Variants in PPP2R3A observed in about 807,000 individuals in gnomAD.
The protein encoded by PPP2R3A is protein phosphatase 2 regulatory subunit B''alpha.
Under a neutral mutation model 106.9 loss-of-function variants are expected in PPP2R3A, and 80 were observed. That is an observed-to-expected ratio of 0.75 (90% CI 0.62 to 0.90). The LOEUF is 0.90. Ranked by LOEUF, PPP2R3A falls within the 40% of genes least tolerant of loss-of-function variation. The pLI is 0.00. For synonymous variants in PPP2R3A, 483 were observed against 468.3 expected (o/e 1.03, Z -0.41); for missense variants, 1,386 against 1,350.4 (o/e 1.03, Z -0.41).
intron 2 of PPP2R3A, chr3:136,022,962 A>G: frequency 6.5e-7 from 1 of 1,544,570 alleles, no homozygotes; most frequent in Non-Finnish European, 8.7e-7. Context: ...TCTTTGGGAG[A>G]TAAGAAGAAA....
intron 2 of PPP2R3A, among the ~76,000 whole-genome samples, chr3:136,013,186 GTATGTATGTA>G (rs1559868798): frequency 3.1e-4 from 44 of 143,218 alleles, no homozygotes; most frequent in South Asian, 2.3e-3. Flanking sequence ...GTGTGTGTAT[GTATGTATGTA>G]TGTATGTATG....
At position 136,133,106 on chromosome 3, in the gene PPP2R3A, G is replaced by T. The variant is rs146262221; in HGVS notation, c.3330-11937G>T. 7.3e-3 allele frequency among the ~76,000 whole-genome samples: 1,112 copies of T among 152,152 alleles called. 18 individuals are homozygous for T. The highest frequency in any genetic ancestry group is 0.025 in the African/African-American group (1,024 of 41,544). ...ACAAAGCTTCTGGAATAAAACAAAG[G>T]AAAATCTTTGTGACCTTGGGTTGGG... On this transcript the variant is annotated intron_variant, in intron 13 of 13. Transcript: ENST00000264977.
rs66592538 is a variant in PPP2R3A at position 135,977,688 on chromosome 3, C to CTTTTTTTT, written c.-441+11860_-441+11867dup. The stretch of plus-strand genomic sequence containing the variant: ...AAGTTGCATTCATCTGATCAGCATT[C>CTTTTTTTT]TTTTTTTTTTTTTTTTTTTTTTTTT... On this transcript the variant is annotated intron_variant, in intron 1 of 13. Transcript: ENST00000264977. Among the ~76,000 whole-genome samples the CTTTTTTTT allele has an allele frequency of 5.9e-4, 36 of 61,124 alleles. 3 individuals carry two copies. The highest frequency in any genetic ancestry group is 2.0e-3 in the African/African-American group (29 of 14,296). The allele number at this position is 61,124 out of a possible 152,430, so 40.1% of individuals were successfully genotyped here.
At position 136,049,361 on chromosome 3, in the gene PPP2R3A, G is replaced by A; in HGVS notation, c.2469G>A (p.Gln823=). ...AGGAGGATTTCATCCCTCTACTTCAGGTAATTTTCATCTCCTTTTGAAAAT... is the reference window on the plus strand; with the variant it reads ...AGGAGGATTTCATCCCTCTACTTCAAGTAATTTTCATCTCCTTTTGAAAAT... ...LEQEDFIPLL[Q]DVVDTHPGLT... The change falls in exon 5 of 14, where the codon CAG becomes CAA. Residue 823 remains glutamine, a splice_region_variant and synonymous_variant. Coordinates refer to ENST00000264977, the MANE Select transcript of PPP2R3A (RefSeq NM_002718.5). 4 of 1,594,582 alleles carry A rather than the reference G, an allele frequency of 2.5e-6. No individual in the cohort carries two copies. The highest frequency in any genetic ancestry group is 3.4e-6 in the Non-Finnish European group (4 of 1,171,470).
chr3:135,972,149 C>T (rs972795012), intron 1 of PPP2R3A, among the ~76,000 whole-genome samples: 14 of 152,302 alleles, frequency 9.2e-5, no homozygotes, highest in South Asian at 6.2e-4. Flanking sequence ...CCCCTACCGT[C>T]TGGCACCCGC....
rs933585930 is a variant in PPP2R3A, at chr3:136,066,460, T to G, written c.2470-4018T>G. Among the ~76,000 whole-genome samples, 4 of 152,168 alleles carry G rather than the reference T, an allele frequency of 2.6e-5. No individual in the cohort carries two copies. The South Asian group carries it at 8.3e-4, about 32-fold the overall frequency. On this transcript the variant is annotated intron_variant, in intron 5 of 13. Coordinates refer to ENST00000264977, the MANE Select transcript of PPP2R3A (RefSeq NM_002718.5). ...GCAAGATTGTTTTAATATTAGGATATTTATTGTGTTAAGCTGTTCTTGCAT... is the reference window on the plus strand; with the variant it reads ...GCAAGATTGTTTTAATATTAGGATAGTTATTGTGTTAAGCTGTTCTTGCAT...
intron 4 of PPP2R3A, among the ~76,000 whole-genome samples, chr3:136,045,632 A>G (rs966834747): frequency 2.6e-5 from 4 of 152,306 alleles, no homozygotes; most frequent in East Asian, 1.9e-4. Flanking sequence ...TCTCACTGCT[A>G]TCTGCTGGCC....
intron 4 of PPP2R3A, among the ~76,000 whole-genome samples, chr3:136,043,445 C>T (rs1401373123): frequency 2.0e-5 from 3 of 151,988 alleles, no homozygotes; most frequent in African/African-American, 4.8e-5. Context: ...GGTGACAGAA[C>T]GAGACTCCAT....
chr3:136,051,816 A>G (rs1247000510), intron 5 of PPP2R3A, among the ~76,000 whole-genome samples: 3 of 152,174 alleles, frequency 2.0e-5, no homozygotes, highest in Admixed American at 2.0e-4. Context: ...GCCACCCAAC[A>G]ATAACCACTA....
chr3:136,068,888 T>A (rs1936343862), intron 5 of PPP2R3A, among the ~76,000 whole-genome samples: 1 of 152,184 alleles, frequency 6.6e-6, no homozygotes, highest in Non-Finnish European at 1.5e-5. Context: ...AGTGATGCAC[T>A]GAAAAGGACT....
At chr3:136,029,278 G>C (rs1204983609) in intron 3 of PPP2R3A, among the ~76,000 whole-genome samples, 8 of 152,188 alleles carry the variant, frequency 5.3e-5, no homozygotes, top group Non-Finnish European at 8.8e-5. Context: ...TGTCTGGAGA[G>C]CCCTTCTTCC....
intron 5 of PPP2R3A, among the ~76,000 whole-genome samples, chr3:136,065,229 A>C (rs1202765583): frequency 6.6e-6 from 1 of 152,216 alleles, no homozygotes; most frequent in Admixed American, 6.5e-5. Flanking sequence ...CCTAGCAAAG[A>C]ATCAATATTT....
chr3:136,073,113 G>A (rs1217908073), intron 6 of PPP2R3A, among the ~76,000 whole-genome samples: 4 of 151,950 alleles, frequency 2.6e-5, no homozygotes, highest in Non-Finnish European at 4.4e-5. Flanking sequence ...GACTACAGGC[G>A]CCCACCACCA....
intron 13 of PPP2R3A, among the ~76,000 whole-genome samples, chr3:136,117,892 C>G (rs557989403): frequency 6.6e-6 from 1 of 152,278 alleles, no homozygotes; most frequent in East Asian, 1.9e-4. Context: ...CAGCATCATC[C>G]TGATACCAAA....
rs533789852 is a variant in PPP2R3A, at chr3:136,081,772, G to A, written c.2632-493G>A. ...AGGGCCCTGCATCTCTACCTGCCAT[G>A]CCTATGCCAGGCCACCATGTATCAT... is the stretch of plus-strand genomic sequence containing the variant. On this transcript the variant is annotated intron_variant, in intron 7 of 13. Coordinates refer to ENST00000264977, the MANE Select transcript of PPP2R3A (RefSeq NM_002718.5). 3.3e-5 allele frequency among the ~76,000 whole-genome samples: 5 copies of A among 152,238 alleles called. No homozygotes were observed. The South Asian group carries it at 1.0e-3, about 32-fold the overall frequency.
intron 13 of PPP2R3A, chr3:136,106,954 A>C (rs71310216): frequency 6.9e-6 from 1 of 145,546 alleles, no homozygotes; most frequent in Non-Finnish European, 1.5e-5. Flanking sequence ...AAAAAAAAAA[A>C]CTAAAGCTCC....
chr3:135,983,192 A>G (rs1037106417), intron 1 of PPP2R3A, among the ~76,000 whole-genome samples: 4 of 152,206 alleles, frequency 2.6e-5, no homozygotes, highest in African/African-American at 9.6e-5. Flanking sequence ...TTTTCTTCTT[A>G]CAGATATTTC....
intron 5 of PPP2R3A, among the ~76,000 whole-genome samples, chr3:136,058,706 C>T (rs1576469681): frequency 6.6e-6 from 1 of 152,260 alleles, no homozygotes; most frequent in East Asian, 1.9e-4. Flanking sequence ...CAAGGCAATC[C>T]TAAGCAAAAA....
intron 1 of PPP2R3A, among the ~76,000 whole-genome samples, chr3:135,977,092 T>G (rs1024903941): frequency 6.6e-6 from 1 of 152,080 alleles, no homozygotes; most frequent in Non-Finnish European, 1.5e-5. Flanking sequence ...AAAAATGAAA[T>G]ATATTTAAAA....
Sources: gnomAD v4.1 joint callset for allele counts (sites outside exome capture counted in the v4.1 genomes callset) on GRCh38, gnomAD v4.1.1 for gene constraint, MANE v1.5 for transcripts, NCBI Gene and HGNC (gene_info 2026-07-23, HGNC 2026-07-21) for gene names.